The following NRXN3 variants were observed in gnomAD, a reference collection of about 807,000 sequenced individuals.
NRXN3 encodes the protein neurexin 3.
Under a neutral mutation model 137.6 loss-of-function variants are expected in NRXN3, and 32 were observed. The ratio of observed to expected loss-of-function variants is 0.23; its 90% CI spans 0.18 to 0.31. The LOEUF is 0.31. Among genes scored for constraint, NRXN3 ranks in the 10% least tolerant of loss-of-function variants. NRXN3 has a pLI of 1.00. For synonymous variants in NRXN3, 798 were observed against 784.5 expected, an observed-to-expected ratio of 1.02 and a Z score of -0.29; for missense variants, 1,574 against 2,062.5, an observed-to-expected ratio of 0.76 and a Z score of 4.59.
At chr14:79,484,921 A>AT (rs1024713031) in intron 16 of NRXN3, among the ~76,000 whole-genome samples, 2 of 152,058 alleles carry the variant, frequency 1.3e-5, no homozygotes, top group African/African-American at 2.4e-5. Context: ...AGCTCGACTT[A>AT]TTTTTTGTGT....
At chr14:79,766,037 A>G (rs2099054915) in intron 19 of NRXN3, among the ~76,000 whole-genome samples, 1 of 152,248 alleles carries the variant, frequency 6.6e-6, no homozygotes, top group Non-Finnish European at 1.5e-5. Flanking sequence ...TTTAACATAT[A>G]GCATACCTGT....
At chr14:79,451,397 T>C (rs1033900585) in intron 15 of NRXN3, among the ~76,000 whole-genome samples, 3 of 152,198 alleles carry the variant, frequency 2.0e-5, no homozygotes, top group Non-Finnish European at 4.4e-5. Context: ...TGTGCCAATT[T>C]TCTGTTAATT....
intron 13 of NRXN3, among the ~76,000 whole-genome samples, 163 bp downstream of exon 13, chr14:78,967,561 T>C (rs2099421866): frequency 6.6e-6 from 1 of 152,184 alleles, no homozygotes; most frequent in Non-Finnish European, 1.5e-5. Flanking sequence ...TTTTTTCCGT[T>C]TTTACTTAGA....
intron 4 of NRXN3, among the ~76,000 whole-genome samples, chr14:78,404,046 G>C (rs1318189603): frequency 6.6e-6 from 1 of 152,074 alleles, no homozygotes; most frequent in African/African-American, 2.4e-5. Context: ...CTGTGGCCCT[G>C]AGAGAAGAGA....
Position 79,754,571 on chromosome 14 carries a change from T to TAC in NRXN3, c.4015-50523_4015-50522dup, listed in dbSNP as rs1228854947. ...ATATATATATATATATATGCACACA[T>TAC]ACACACACACACACACACATATATA... On this transcript the variant is annotated intron_variant, in intron 19 of 20. Coordinates refer to ENST00000335750, the MANE Select transcript of NRXN3 (RefSeq NM_001330195.2). 2.2e-3 allele frequency among the ~76,000 whole-genome samples: 232 copies of TAC among 105,244 alleles called. 5 individuals carry two copies. Among genetic ancestry groups the TAC allele is most frequent in the Middle Eastern group, 9.3e-3 (2 of 214 alleles). The allele number at this position is 105,244 out of a possible 152,430, so 69.0% of individuals were successfully genotyped here.
intron 15 of NRXN3, among the ~76,000 whole-genome samples, chr14:79,421,608 T>A (rs865818947): frequency 6.6e-6 from 1 of 152,216 alleles, no homozygotes; most frequent in Admixed American, 6.5e-5. Context: ...AGCTACAGAA[T>A]GTAGGCCCAG....
chr14:78,992,888 G>A (rs1256686282), intron 15 of NRXN3, among the ~76,000 whole-genome samples: 1 of 152,120 alleles, frequency 6.6e-6, no homozygotes, highest in Non-Finnish European at 1.5e-5. Flanking sequence ...GACTTTATGA[G>A]GTGGGTGCTC....
At chr14:79,224,794 A>G (rs75449079) in intron 15 of NRXN3, among the ~76,000 whole-genome samples, 4,195 of 152,250 alleles carry the variant, frequency 0.028, 139 homozygotes, top group South Asian at 0.086. Context: ...GATGGCCAGT[A>G]ATGATGAAGG....
At chr14:79,768,748 C>T (rs568790350) in intron 19 of NRXN3, among the ~76,000 whole-genome samples, 1 of 152,304 alleles carries the variant, frequency 6.6e-6, no homozygotes, top group African/African-American at 2.4e-5. Flanking sequence ...AGTTCCTCAC[C>T]AGCAACGGAA....
At chr14:78,501,739 A>T (rs143862278) in intron 4 of NRXN3, among the ~76,000 whole-genome samples, 3 of 152,282 alleles carry the variant, frequency 2.0e-5, no homozygotes, top group African/African-American at 4.8e-5. Context: ...CCTCTTGTAC[A>T]TTCATAGCTG....
At chr14:78,283,046 T>A (rs960767346) in intron 3 of NRXN3, 1 of 152,256 alleles carries the variant, frequency 6.6e-6, no homozygotes, top group African/African-American at 2.4e-5. Flanking sequence ...AGGGCTGTCT[T>A]TACTGAGAAG....
At chr14:79,842,390 C>T (rs1399904104) in intron 20 of NRXN3, among the ~76,000 whole-genome samples, 1 of 152,098 alleles carries the variant, frequency 6.6e-6, no homozygotes, top group Non-Finnish European at 1.5e-5. Context: ...TAGCCAAGCA[C>T]TGAGCAAGGC....
intron 15 of NRXN3, among the ~76,000 whole-genome samples, chr14:79,290,792 AT>A (rs1272166695): frequency 6.6e-6 from 1 of 152,214 alleles, no homozygotes; most frequent in African/African-American, 2.4e-5. Context: ...CAGCAAAAGC[AT>A]TGCGGCTTCT....
intron 10 of NRXN3, among the ~76,000 whole-genome samples, chr14:78,925,621 C>T (rs1342064589): frequency 6.6e-6 from 1 of 152,164 alleles, no homozygotes; most frequent in Admixed American, 6.5e-5. Context: ...GACAAAGGGG[C>T]TTGGTGCACT....
intron 15 of NRXN3, among the ~76,000 whole-genome samples, chr14:79,282,378 T>A (rs2081413566): frequency 6.6e-6 from 1 of 152,078 alleles, no homozygotes; most frequent in African/African-American, 2.4e-5. Flanking sequence ...CATTACAGGT[T>A]ATGGGTGGCA....
At chr14:79,814,169 A>G (rs969342846) in intron 20 of NRXN3, among the ~76,000 whole-genome samples, 1 of 152,112 alleles carries the variant, frequency 6.6e-6, no homozygotes, top group African/African-American at 2.4e-5. Context: ...TATTATTTCC[A>G]TTGGATCATG....
In NRXN3 at chr14:79,864,463, A is replaced by G. The variant is rs1034676922; in HGVS notation, c.*2499A>G. 2 of 152,582 alleles carry G rather than the reference A, an allele frequency of 1.3e-5. No individual in the cohort carries two copies. The highest frequency in any genetic ancestry group is 2.4e-5 in the African/African-American group (1 of 41,424). 9.5% of individuals were successfully genotyped at this position (152,582 alleles called of 1,614,324 possible). A position where few individuals can be genotyped will look rare whatever the true frequency, so the allele number is the denominator to read the frequency against. Reference sequence around the variant, plus strand: ...TTTTATTTTCTTAACATTTGAGAAAATCTCGCACTGAAGCTAATTATGTCA... The same window carrying G: ...TTTTATTTTCTTAACATTTGAGAAAGTCTCGCACTGAAGCTAATTATGTCA... On this transcript the variant is annotated 3_prime_UTR_variant, in exon 21 of 21. Coordinates refer to ENST00000335750, the MANE Select transcript of NRXN3 (RefSeq NM_001330195.2).
At chr14:79,792,857 T>G (rs577944898) in intron 19 of NRXN3, among the ~76,000 whole-genome samples, 69 of 152,314 alleles carry the variant, frequency 4.5e-4, no homozygotes, top group African/African-American at 1.6e-3. Flanking sequence ...ATCTACCACA[T>G]CACTTCTGTG....
At chr14:79,529,240 CAG>C (rs1406800742) in intron 16 of NRXN3, among the ~76,000 whole-genome samples, 1 of 152,250 alleles carries the variant, frequency 6.6e-6, no homozygotes, top group Non-Finnish European at 1.5e-5. Context: ...CGGTACGTGA[CAG>C]GGGCTGCATG....
Sources: allele counts gnomAD v4.1 joint callset (sites outside exome capture counted in the v4.1 genomes callset), GRCh38; gene constraint gnomAD v4.1.1; transcripts MANE v1.5; gene names NCBI Gene and HGNC (gene_info 2026-07-23, HGNC 2026-07-21).